Variants in TMEM204 observed in about 807,000 individuals in gnomAD.
TMEM204 encodes the protein transmembrane protein 204, also known as claudin-like protein 24.
TMEM204 carries 15 observed loss-of-function variants against 19.4 expected under a neutral mutation model. The observed-to-expected ratio is 0.77, with a 90% CI of 0.52 to 1.19. TMEM204 has a LOEUF of 1.19. Ranked by LOEUF, TMEM204 falls within the 50% of genes most tolerant of loss-of-function variation. The pLI, the probability that TMEM204 is intolerant of heterozygous loss-of-function variation, is 0.00. For synonymous variants in TMEM204, 161 were observed against 146.0 expected (o/e 1.10, Z -0.74); for missense variants, 287 against 321.2 (o/e 0.89, Z 0.81).
chr16:1,549,655 C>T (rs1406508178), intron 2 of TMEM204, among the ~76,000 whole-genome samples: 1 of 152,176 alleles, frequency 6.6e-6, no homozygotes, highest in Non-Finnish European at 1.5e-5. Flanking sequence ...TGGTCTCAAA[C>T]TCCTGACCTC....
In TMEM204 at chr16:1,551,827, C is replaced by T. The variant is rs2032665736; in HGVS notation, c.437-2955C>T. On this transcript the variant is annotated intron_variant, in intron 2 of 2. Coordinates refer to ENST00000566264, the MANE Select transcript of TMEM204 (RefSeq NM_024600.6). This position sits in a 1 kb window ranked among gnomAD's most constrained non-coding sequence, Gnocchi z 4.0. ...GGGACCTCCCACCCGGGCTGGTTGC[C>T]CTGTGTTGCCTTAGAGTTTTCTTCC... 6.6e-6 allele frequency among the ~76,000 whole-genome samples: 1 copy of T among 152,142 alleles called. No homozygotes were observed. Among genetic ancestry groups the T allele is most frequent in the South Asian group, 2.1e-4 (1 of 4,834 alleles).
At chr16:1,538,262 T>G (rs2031278698) in intron 1 of TMEM204, among the ~76,000 whole-genome samples, 1 of 152,116 alleles carries the variant, frequency 6.6e-6, no homozygotes, top group Non-Finnish European at 1.5e-5. Flanking sequence ...GCACGGCTGC[T>G]GCACAGAGCC....
At chr16:1,541,819 C>A (rs2031669526) in intron 1 of TMEM204, 102 bp from the exon 2 acceptor site, 2 of 1,401,280 alleles carry the variant, frequency 1.4e-6, no homozygotes, top group African/African-American at 2.9e-5. Flanking sequence ...GTGCCGACCG[C>A]CCTTTCCGAG....
At chr16:1,543,628 GC>G (rs891069672) in intron 2 of TMEM204, among the ~76,000 whole-genome samples, 3 of 152,214 alleles carry the variant, frequency 2.0e-5, no homozygotes, top group African/African-American at 4.8e-5. Flanking sequence ...GGTAATTTCT[GC>G]CCCCACCCAA....
At chr16:1,538,093 G>A (rs539992188) in intron 1 of TMEM204, among the ~76,000 whole-genome samples, 32 of 152,220 alleles carry the variant, frequency 2.1e-4, no homozygotes, top group Non-Finnish European at 3.2e-4. Flanking sequence ...AGCAGTGAAC[G>A]CCAGCTCCAA....
chr16:1,552,572 C>G (rs569560157), intron 2 of TMEM204, among the ~76,000 whole-genome samples: 1 of 151,976 alleles, frequency 6.6e-6, no homozygotes, highest in East Asian at 1.9e-4. Context: ...ACCACACAAT[C>G]GTGAGCAGAG....
rs962231837 is a variant in TMEM204 at position 1,553,077 on chromosome 16, T to C, written c.437-1705T>C. The C allele has an allele frequency of 1.1e-5, 11 of 985,326 alleles. No homozygotes were observed. The highest frequency in any genetic ancestry group is 1.7e-5 in the African/African-American group (1 of 57,226). The allele number at this position is 985,326 out of a possible 1,614,324, so 61.0% of individuals were successfully genotyped here. On this transcript the variant is annotated intron_variant, in intron 2 of 2. Coordinates refer to ENST00000566264, the MANE Select transcript of TMEM204 (RefSeq NM_024600.6). The surrounding 1 kb of genome is among the most constrained non-coding windows in gnomAD (Gnocchi z 4.4). The stretch of plus-strand genomic sequence containing the variant: ...GTCATTGTTCAGGACAAAATGGAGA[T>C]AGATAAATGCTTAATTCATACTTTC...
upstream of TMEM204, among the ~76,000 whole-genome samples, chr16:1,530,287 C>G (rs889560625): frequency 1.3e-5 from 2 of 151,894 alleles, no homozygotes; most frequent in African/African-American, 2.4e-5. Flanking sequence ...CATGCGCCAC[C>G]ACACCCAGCT....
upstream of TMEM204, among the ~76,000 whole-genome samples, chr16:1,529,126 T>C (rs1476556217): frequency 6.6e-6 from 1 of 152,204 alleles, no homozygotes; most frequent in Non-Finnish European, 1.5e-5. Flanking sequence ...CAGCAGGTAC[T>C]TTGTGCCTGG....
chr16:1,555,214 T>TCATATGACCGTA lies in TMEM204; in HGVS notation c.*189_*190insATATGACCGTAC, dbSNP rs2032996326. 4.1e-6 allele frequency: 3 copies of TCATATGACCGTA among 734,834 alleles called. No homozygotes were observed. Among genetic ancestry groups the TCATATGACCGTA allele is most frequent in the Non-Finnish European group, 4.3e-6 (2 of 467,750 alleles). 45.5% of individuals were successfully genotyped at this position (734,834 alleles called of 1,614,324 possible). On this transcript the variant is annotated 3_prime_UTR_variant, in exon 3 of 3. Transcript: ENST00000566264. ...TATGTCGGTCATATGTCTGTACGTG[T>TCATATGACCGTA]CGTGGGCCAACCTCGTTCTGCCTCC...
intron 1 of TMEM204, 75 bp downstream of exon 1, chr16:1,534,630 C>G (rs1432253095): frequency 6.3e-7 from 1 of 1,584,798 alleles, no homozygotes; most frequent in Non-Finnish European, 8.5e-7. Context: ...TAGGCGCGGA[C>G]CTGGTGAGCG....
chr16:1,534,813 A>G (rs2030900867), intron 1 of TMEM204, among the ~76,000 whole-genome samples: 2 of 151,632 alleles, frequency 1.3e-5, no homozygotes, highest in Admixed American at 1.3e-4. Flanking sequence ...TTACACAGGA[A>G]TTCATCTCAG....
chr16:1,552,239 G>A (rs1367431149), intron 2 of TMEM204, among the ~76,000 whole-genome samples: 1 of 152,178 alleles, frequency 6.6e-6, no homozygotes, highest in Non-Finnish European at 1.5e-5. Flanking sequence ...GTTACTGCCG[G>A]TATAACCTCC....
chr16:1,529,627 T>C (rs752344978), upstream of TMEM204, among the ~76,000 whole-genome samples: 1 of 152,228 alleles, frequency 6.6e-6, no homozygotes, highest in Non-Finnish European at 1.5e-5. Flanking sequence ...CTGCCCTCGG[T>C]CCTCTAGAGC....
intron 2 of TMEM204, among the ~76,000 whole-genome samples, chr16:1,545,918 A>T (rs1256043509): frequency 6.6e-6 from 1 of 152,154 alleles, no homozygotes; most frequent in Non-Finnish European, 1.5e-5. Context: ...CTGCTCTGAC[A>T]CCCAGAGAGA....
intron 1 of TMEM204, among the ~76,000 whole-genome samples, chr16:1,538,248 TG>T (rs2031276831): frequency 1.3e-5 from 2 of 152,050 alleles, no homozygotes; most frequent in African/African-American, 4.8e-5. Context: ...GAGTGGCTTG[TG>T]GGGCACGGCT....
At chr16:1,543,213 C>G (rs1448578157) in intron 2 of TMEM204, among the ~76,000 whole-genome samples, 1 of 152,270 alleles carries the variant, frequency 6.6e-6, no homozygotes, top group African/African-American at 2.4e-5. Flanking sequence ...TCCTCGAGGC[C>G]GGTGCAGCGT....
upstream of TMEM204, chr16:1,530,721 C>A (rs1036035840): frequency 2.6e-5 from 4 of 151,670 alleles, no homozygotes; most frequent in African/African-American, 9.8e-5. Context: ...GAGAGCCCGC[C>A]CGTGGGGAGC....
intron 2 of TMEM204, 128 bp downstream of exon 2, chr16:1,542,204 G>A: frequency 9.2e-7 from 1 of 1,084,146 alleles, no homozygotes; most frequent in Admixed American, 3.2e-5. Context: ...CATGGCCACA[G>A]GCCACTGAGA....
Sources: gnomAD v4.1 joint callset for allele counts (sites outside exome capture counted in the v4.1 genomes callset) on GRCh38, gnomAD v4.1.1 for gene constraint, Gnocchi (gnomAD v3.1) non-coding constraint, MANE v1.5 for transcripts, NCBI Gene and HGNC (gene_info 2026-07-23, HGNC 2026-07-21) for gene names.